Variants in FEZ2 observed in about 807,000 individuals in gnomAD.
The protein encoded by FEZ2 is fasciculation and elongation protein zeta 2.
Under a neutral mutation model 40.4 loss-of-function variants are expected in FEZ2, and 51 were observed. The observed-to-expected ratio is 1.26, with a 90% CI of 1.01 to 1.59. FEZ2 has a LOEUF of 1.59. Ranked by LOEUF, FEZ2 falls within the 40% of genes most tolerant of loss-of-function variation. The pLI is 0.00. For missense variants in FEZ2, 640 were observed against 438.3 expected, an observed-to-expected ratio of 1.46 and a Z score of -4.11; for synonymous variants, 242 against 172.0, an observed-to-expected ratio of 1.41 and a Z score of -3.18.
Position 36,573,195 on chromosome 2 carries a change from A to G in FEZ2, c.903+5402T>C, listed in dbSNP as rs575516509. ...ATCTTCTCAACAAGACTTAGCATAA[A>G]CAACCTTACATGTGACATTCAATTC... is the stretch of plus-strand genomic sequence containing the variant. On this transcript the variant is annotated intron_variant, in intron 5 of 7. Transcript: ENST00000405912. 3.5e-4 allele frequency among the ~76,000 whole-genome samples: 54 copies of G among 152,348 alleles called. 1 individual carries two copies. Among genetic ancestry groups the G allele is most frequent in the Non-Finnish European group, 6.9e-4 (47 of 68,032 alleles).
intron 4 of FEZ2, among the ~76,000 whole-genome samples, chr2:36,580,080 T>A (rs986381983): frequency 3.0e-4 from 46 of 152,202 alleles, no homozygotes; most frequent in Admixed American, 5.2e-4. Flanking sequence ...GCCAACACCT[T>A]CATCTCAGAC....
Position 36,558,325 on chromosome 2 carries a change from C to T in FEZ2, c.979+113G>A, listed in dbSNP as rs183170431. ...TATAAAAATAAACAATTATATGCAT[C>T]ATTTACATCCTAAACTGACAAAACA... On this transcript the variant is annotated intron_variant, in intron 6 of 7. Transcript: ENST00000405912. 1.7e-4 allele frequency: 93 copies of T among 559,490 alleles called. 1 individual carries two copies. In the East Asian group the frequency reaches 2.9e-3, roughly 17 times the overall value. 34.7% of individuals were successfully genotyped at this position (559,490 alleles called of 1,614,324 possible).
In FEZ2 at chr2:36,560,652, C is replaced by T. The variant is rs556249036; in HGVS notation, c.904-2139G>A. 220 of 526,328 alleles carry T rather than the reference C, an allele frequency of 4.2e-4. 1 individual carries two copies. The East Asian group carries it at 7.0e-3, about 17-fold the overall frequency. 32.6% of individuals were successfully genotyped at this position (526,328 alleles called of 1,614,324 possible). ...TTATCAAGACTATAAATATAATGAA[C>T]TTTTATAATAAACTTTTATTTCTCT... is the stretch of plus-strand genomic sequence containing the variant. On this transcript the variant is annotated intron_variant, in intron 5 of 7. Coordinates refer to ENST00000405912, the MANE Select transcript of FEZ2 (RefSeq NM_005102.3).
chr2:36,592,524 G>A (rs1669100165), intron 1 of FEZ2, among the ~76,000 whole-genome samples: 1 of 152,054 alleles, frequency 6.6e-6, no homozygotes, highest in African/African-American at 2.4e-5. Flanking sequence ...TGCACGTTAG[G>A]GATGGGCCTG....
At chr2:36,571,994 G>A (rs191648171) in intron 5 of FEZ2, among the ~76,000 whole-genome samples, 16 of 143,718 alleles carry the variant, frequency 1.1e-4, no homozygotes, top group East Asian at 4.0e-4. Context: ...CAGCATGAGC[G>A]GCTGAGTGAG....
intron 5 of FEZ2, among the ~76,000 whole-genome samples, chr2:36,567,756 T>G (rs532810680): frequency 6.8e-6 from 1 of 146,970 alleles, no homozygotes; most frequent in East Asian, 2.0e-4. Context: ...AGCGAGACTC[T>G]GTCTCAAAAA....
chr2:36,582,348 T>C (rs1668774684), intron 3 of FEZ2, among the ~76,000 whole-genome samples: 1 of 152,108 alleles, frequency 6.6e-6, no homozygotes, highest in African/African-American at 2.4e-5. Flanking sequence ...AAGGCAAATC[T>C]GAAGGAGATG....
At chr2:36,556,316 G>A in intron 6 of FEZ2, 1 of 166,180 alleles carries the variant, frequency 6.0e-6, no homozygotes, top group Non-Finnish European at 1.3e-5. Flanking sequence ...GGAGAAACCT[G>A]GGAGAATTAG....
chr2:36,590,840 ACTGTTTTAGTT>A (rs1669050077), intron 2 of FEZ2, 52 bp downstream of exon 2: 2 of 942,806 alleles, frequency 2.1e-6, no homozygotes, highest in Admixed American at 3.7e-5. Context: ...CAGAAATGCT[ACTGTTTTAGTT>A]CTATTATCAG....
At chr2:36,553,966 C>G (rs1290179802) in intron 7 of FEZ2, among the ~76,000 whole-genome samples, 4 of 152,132 alleles carry the variant, frequency 2.6e-5, no homozygotes, top group Non-Finnish European at 5.9e-5. Flanking sequence ...ACCCGACTTC[C>G]CCACCTTCCC....
intron 2 of FEZ2, 30 bp from the exon 3 acceptor site, chr2:36,583,499 C>T (rs1390226810): frequency 1.8e-6 from 2 of 1,129,200 alleles, no homozygotes; most frequent in South Asian, 1.2e-5. Flanking sequence ...TCATTAAAAG[C>T]AGGACATCCT....
intron 1 of FEZ2, 147 bp downstream of exon 1, chr2:36,597,729 CG>C (rs1163131446): frequency 1.9e-5 from 11 of 576,698 alleles, no homozygotes; most frequent in Non-Finnish European, 2.9e-5. Context: ...GAGCCGAGGC[CG>C]ACGGCCGGAG....
chr2:36,556,048 A>C (rs749820450), intron 6 of FEZ2: 1 of 537,214 alleles, frequency 1.9e-6, no homozygotes, highest in South Asian at 1.5e-5. Context: ...GTTATTTACA[A>C]GGAGCCTTCG....
At chr2:36,596,152 T>C (rs1391006973) in intron 1 of FEZ2, among the ~76,000 whole-genome samples, 1 of 152,168 alleles carries the variant, frequency 6.6e-6, no homozygotes. Flanking sequence ...AAAATCCAAT[T>C]ATAAGTGTTT....
chr2:36,587,492 G>C (rs991635110), intron 2 of FEZ2, among the ~76,000 whole-genome samples: 2 of 152,164 alleles, frequency 1.3e-5, no homozygotes, highest in Non-Finnish European at 2.9e-5. Context: ...ATGTGCCCAC[G>C]TAAGAATTTG....
At chr2:36,565,746 G>A (rs1484903434) in intron 5 of FEZ2, among the ~76,000 whole-genome samples, 1 of 152,048 alleles carries the variant, frequency 6.6e-6, no homozygotes, top group African/African-American at 2.4e-5. Context: ...CCTGTACCTA[G>A]GTTTCTCCAC....
At chr2:36,578,172 A>G (rs903386183) in intron 5 of FEZ2, among the ~76,000 whole-genome samples, 1 of 152,228 alleles carries the variant, frequency 6.6e-6, no homozygotes, top group African/African-American at 2.4e-5. Context: ...GAGTTCTGAT[A>G]CCTCTAAATA....
intron 5 of FEZ2, among the ~76,000 whole-genome samples, chr2:36,578,186 C>A (rs1489352486): frequency 1.3e-5 from 2 of 152,154 alleles, no homozygotes; most frequent in African/African-American, 4.8e-5. Flanking sequence ...CTAAATAAAC[C>A]CCTTCTAATT....
chr2:36,560,704 G>C (rs2125220938), intron 5 of FEZ2: 1 of 817,608 alleles, frequency 1.2e-6, no homozygotes, highest in East Asian at 2.6e-5. Flanking sequence ...TAGTAAATTA[G>C]TAAACTACCA....
Sources: allele counts gnomAD v4.1 joint callset (sites outside exome capture counted in the v4.1 genomes callset), GRCh38; gene constraint gnomAD v4.1.1; transcripts MANE v1.5; gene names NCBI Gene and HGNC (gene_info 2026-07-23, HGNC 2026-07-21).